Variants in SLK observed in about 807,000 individuals in gnomAD.
SLK encodes the protein STE20-like serine/threonine-protein kinase.
In SLK, 67 loss-of-function variants were observed where a neutral mutation model predicts 147.7. The observed-to-expected ratio is 0.45, with a 90% CI of 0.37 to 0.56. SLK has a LOEUF of 0.56. Ranked by LOEUF, SLK falls within the 20% of genes least tolerant of loss-of-function variation. The probability of loss-of-function intolerance (pLI) is 0.00; values close to 1 mark genes in which losing one functional copy is unlikely to be tolerated. For synonymous variants in SLK, 441 were observed against 475.0 expected, an observed-to-expected ratio of 0.93 and a Z score of 0.93; for missense variants, 1,136 against 1,438.8, an observed-to-expected ratio of 0.79 and a Z score of 3.41.
At position 104,003,171 on chromosome 10, in the gene SLK, T is replaced by G; in HGVS notation, c.1993T>G (p.Leu665Val). Residue 665 changes from leucine to valine, a missense_variant, in exon 9 of 19, where the codon TTA becomes GTA. By Grantham distance (32) the Leu-to-Val change is conservative. Transcript: ENST00000369755. ...SVVADTDQKA[L>V]GSEVQDASKV... ...GGTGGCTGATACTGACCAAAAGGCT[T>G]TAGGAAGTGAAGTTCAGGATGCTTC... The G allele has an allele frequency of 6.2e-7, 1 of 1,614,000 alleles. No individual in the cohort carries two copies. The highest frequency in any genetic ancestry group is 1.1e-5 in the South Asian group (1 of 91,064).
In SLK at chr10:104,028,245, A is replaced by G. The variant is rs779951924; in HGVS notation, c.*2525A>G. The G allele has an allele frequency of 6.6e-6, 1 of 152,202 alleles. No homozygotes were observed. Among genetic ancestry groups the G allele is most frequent in the Admixed American group, 6.5e-5 (1 of 15,284 alleles). 9.4% of individuals were successfully genotyped at this position (152,202 alleles called of 1,614,324 possible). On this transcript the variant is annotated 3_prime_UTR_variant, in exon 19 of 19. Transcript: ENST00000369755. ...TGTGGCAGAATATGCCATGAAACACATACAGACTTCTCCGAACGTGCACCC... is the reference window on the plus strand; with the variant it reads ...TGTGGCAGAATATGCCATGAAACACGTACAGACTTCTCCGAACGTGCACCC...
intron 9 of SLK, 102 bp downstream of exon 9, chr10:104,003,629 TGTA>T (rs1209860235): frequency 2.1e-6 from 2 of 961,262 alleles, no homozygotes; most frequent in South Asian, 1.7e-5. Flanking sequence ...ATTAAATTAA[TGTA>T]GTATTAACAA....
At chr10:104,014,404 CT>C (rs1341183990) in intron 13 of SLK, among the ~76,000 whole-genome samples, 17 of 152,154 alleles carry the variant, frequency 1.1e-4, no homozygotes, top group Non-Finnish European at 7.4e-5. Flanking sequence ...TCATTTAACA[CT>C]GTAATTTTTG....
At chr10:104,006,185 C>T (rs1211617065) in intron 11 of SLK, 150 bp downstream of exon 11, 4 of 825,790 alleles carry the variant, frequency 4.8e-6, no homozygotes, top group Non-Finnish European at 7.4e-6. Context: ...GCATTTTTAC[C>T]CTTTTGGTGT....
At chr10:104,016,942 G>A (rs1265158171) in intron 13 of SLK, among the ~76,000 whole-genome samples, 1 of 152,178 alleles carries the variant, frequency 6.6e-6, no homozygotes, top group Non-Finnish European at 1.5e-5. Flanking sequence ...CACAAAAATT[G>A]ATTGAATAGT....
At chr10:103,967,951 G>C (rs1843739620) in intron 1 of SLK, 56 bp downstream of exon 1, 1 of 1,570,474 alleles carries the variant, frequency 6.4e-7, no homozygotes, top group Non-Finnish European at 8.7e-7. Context: ...CACTGGCCTG[G>C]AGTGGCGGGA....
rs1394826802 is a variant in SLK at position 103,967,494 on chromosome 10, G to A, written c.-252G>A. 1 of 150,190 alleles carries A rather than the reference G, an allele frequency of 6.7e-6. No homozygotes were observed. Among genetic ancestry groups the A allele is most frequent in the East Asian group, 1.9e-4 (1 of 5,144 alleles). 9.3% of individuals were successfully genotyped at this position (150,190 alleles called of 1,614,324 possible). A position where few individuals can be genotyped will look rare whatever the true frequency, so the allele number is the denominator to read the frequency against. Reference sequence around the variant, plus strand: ...TGCCGCTCCCGGAGGGTGGGCCGGAGGCGAGGCGCCCACCGCGCGGCTCGC... The same window carrying A: ...TGCCGCTCCCGGAGGGTGGGCCGGAAGCGAGGCGCCCACCGCGCGGCTCGC... On this transcript the variant is annotated 5_prime_UTR_variant, in exon 1 of 19. Coordinates refer to ENST00000369755, the MANE Select transcript of SLK (RefSeq NM_014720.4).
chr10:104,016,325 A>T (rs1216482289), intron 13 of SLK, among the ~76,000 whole-genome samples: 1 of 152,122 alleles, frequency 6.6e-6, no homozygotes, highest in East Asian at 1.9e-4. Context: ...TTTCAAAAAA[A>T]AAAAAGAAAA....
At chr10:103,994,200 T>C (rs1159599477) in intron 4 of SLK, among the ~76,000 whole-genome samples, 4 of 152,280 alleles carry the variant, frequency 2.6e-5, no homozygotes, top group Middle Eastern at 3.4e-3. Flanking sequence ...ATTACAGATA[T>C]AGAAAACCAC....
intron 1 of SLK, among the ~76,000 whole-genome samples, chr10:103,979,037 A>G (rs1407123448): frequency 1.3e-5 from 2 of 152,008 alleles, no homozygotes; most frequent in Non-Finnish European, 1.5e-5. Flanking sequence ...TTTTTTTGAG[A>G]CAGGGTCTCA....
At position 104,003,411 on chromosome 10, in the gene SLK, G is replaced by A. The variant is rs748078340; in HGVS notation, c.2233G>A (p.Glu745Lys). The change falls in exon 9 of 19, where the codon GAA (glutamate) becomes AAA (lysine). Residue 745 changes from glutamate to lysine, a missense_variant. Physicochemically the swap from Glu to Lys is moderately conservative, Grantham distance 56. Transcript: ENST00000369755. ...ILPPESENPK[E>K]NDNDSGTGST... is the part of the protein sequence containing the mutation. ...GCCACCAGAATCTGAGAATCCAAAG[G>A]AAAATGATAATGATTCAGGCACTGG... 6.2e-7 allele frequency: 1 copy of A among 1,613,928 alleles called. No homozygotes were observed. The highest frequency in any genetic ancestry group is 8.5e-7 in the Non-Finnish European group (1 of 1,179,910).
At chr10:103,989,653 A>G (rs1048786644) in intron 1 of SLK, among the ~76,000 whole-genome samples, 27 of 152,068 alleles carry the variant, frequency 1.8e-4, no homozygotes, top group African/African-American at 6.3e-4. Context: ...TATTTTTAGT[A>G]GAGACGGGGT....
intron 14 of SLK, 105 bp from the exon 15 acceptor site, chr10:104,018,679 C>T (rs546623826): frequency 5.0e-5 from 58 of 1,161,126 alleles, no homozygotes; most frequent in South Asian, 4.4e-4. Flanking sequence ...CATGTGTGTA[C>T]GAGTTAGTGT....
At position 103,979,098 on chromosome 10, in the gene SLK, C is replaced by T. The variant is rs939583120; in HGVS notation, c.150+11203C>T. 2.6e-5 allele frequency among the ~76,000 whole-genome samples: 4 copies of T among 152,200 alleles called. No homozygotes were observed. In the East Asian group the frequency reaches 5.8e-4, roughly 22 times the overall value. On this transcript the variant is annotated intron_variant, in intron 1 of 18. Coordinates refer to ENST00000369755, the MANE Select transcript of SLK (RefSeq NM_014720.4). ...TGCCGCGATCTTGGCTCACTGCAACCTCCGCTTCCCACGTTCAAGTGATTC... is the reference window on the plus strand; with the variant it reads ...TGCCGCGATCTTGGCTCACTGCAACTTCCGCTTCCCACGTTCAAGTGATTC...
At chr10:103,976,785 T>A (rs1843877422) in intron 1 of SLK, among the ~76,000 whole-genome samples, 2 of 152,332 alleles carry the variant, frequency 1.3e-5, no homozygotes, top group South Asian at 4.1e-4. Flanking sequence ...AAGATAGCCC[T>A]TACTTGCTTT....
intron 11 of SLK, 96 bp downstream of exon 11, chr10:104,006,131 G>A: frequency 7.9e-7 from 1 of 1,270,728 alleles, no homozygotes; most frequent in Non-Finnish European, 1.1e-6. Flanking sequence ...TGTAGAACTT[G>A]TTCTCTGATT....
In SLK at chr10:104,019,917, A is replaced by G; in HGVS notation, c.3316A>G (p.Lys1106Glu). 2 of 1,610,208 alleles carry G rather than the reference A, an allele frequency of 1.2e-6. No homozygotes were observed. The highest frequency in any genetic ancestry group is 1.1e-5 in the South Asian group (1 of 90,824). ...ACCAGATCAGGACCGTGATAAAATT[A>G]AACAGGTAAATATGCAAGTTAGTCT... ...ATPDQDRDKI[K>E]QFAAQEEKRQ... The change falls in exon 16 of 19, where the codon AAA becomes GAA. Residue 1106 changes from lysine to glutamate, a missense_variant. Lys to Glu is a moderately conservative substitution (Grantham distance 56). Around this residue, in one of 6 missense-constraint regions of SLK, gnomAD observed 327 missense variants for 457.5 expected, o/e 0.71. Coordinates refer to ENST00000369755, the MANE Select transcript of SLK (RefSeq NM_014720.4).
At chr10:103,973,476 C>T (rs1843820890) in intron 1 of SLK, among the ~76,000 whole-genome samples, 1 of 152,136 alleles carries the variant, frequency 6.6e-6, no homozygotes, top group Non-Finnish European at 1.5e-5. Context: ...GCCCTTAGGG[C>T]TTCTATGTAC....
intron 4 of SLK, among the ~76,000 whole-genome samples, chr10:103,996,853 T>C (rs1231561532): frequency 6.6e-6 from 1 of 152,258 alleles, no homozygotes; most frequent in African/African-American, 2.4e-5. Flanking sequence ...TCTTTGCCTG[T>C]TGTCCATGTT....
Sources: allele counts gnomAD v4.1 joint callset (sites outside exome capture counted in the v4.1 genomes callset), GRCh38; gene constraint gnomAD v4.1.1; regional missense constraint gnomAD v4.1.1; transcripts MANE v1.5; gene names NCBI Gene and HGNC (gene_info 2026-07-23, HGNC 2026-07-21).